MALRD1: variants seen among roughly 807,000 people sequenced by gnomAD.
The protein encoded by MALRD1 is MAM and LDL receptor class A domain containing 1.
A neutral mutation model predicts 242.1 loss-of-function variants in MALRD1; 247 were observed. The observed-to-expected ratio is 1.02, with a 90% CI of 0.92 to 1.13. The LOEUF (loss-of-function observed/expected upper bound fraction) is 1.13. Among genes scored for constraint, MALRD1 ranks in the 50% most tolerant of loss-of-function variants. The pLI is 0.00. For missense variants in MALRD1, 2,989 were observed against 2,533.1 expected, an observed-to-expected ratio of 1.18 and a Z score of -3.86; for synonymous variants, 995 against 866.6, an observed-to-expected ratio of 1.15 and a Z score of -2.60.
chr10:19,151,940 G>A (rs528941187), intron 11 of MALRD1, among the ~76,000 whole-genome samples: 86 of 152,222 alleles, frequency 5.6e-4, no homozygotes, highest in African/African-American at 1.6e-3. Context: ...ATTTGTGAAA[G>A]TTATAGAGAC....
At chr10:19,248,577 G>A (rs1305756176) in intron 18 of MALRD1, among the ~76,000 whole-genome samples, 1 of 151,768 alleles carries the variant, frequency 6.6e-6, no homozygotes, top group Non-Finnish European at 1.5e-5. Context: ...TAGTGACTAC[G>A]TGATCAGTCA....
intron 36 of MALRD1, among the ~76,000 whole-genome samples, chr10:19,671,460 A>G (rs1399412795): frequency 6.6e-6 from 1 of 152,114 alleles, no homozygotes; most frequent in Non-Finnish European, 1.5e-5. Flanking sequence ...TCTACTAAAA[A>G]TATAAAAATT....
intron 13 of MALRD1, among the ~76,000 whole-genome samples, chr10:19,171,448 A>ACACATG (rs1834926338): frequency 3.6e-5 from 5 of 139,162 alleles, no homozygotes; most frequent in Non-Finnish European, 7.7e-5. Flanking sequence ...ATATATATAT[A>ACACATG]TATATATATA....
intron 5 of MALRD1, among the ~76,000 whole-genome samples, chr10:19,106,850 G>A (rs1244817475): frequency 5.9e-5 from 9 of 151,836 alleles, no homozygotes; most frequent in Non-Finnish European, 1.3e-4. Flanking sequence ...TTTGTCTCAA[G>A]GAATATTTAA....
At chr10:19,280,424 G>C (rs1840747538) in intron 20 of MALRD1, among the ~76,000 whole-genome samples, 1 of 152,164 alleles carries the variant, frequency 6.6e-6, no homozygotes, top group Admixed American at 6.5e-5. Flanking sequence ...TAAGTGGTAA[G>C]TGTCTTTAGA....
intron 17 of MALRD1, 108 bp from the exon 18 acceptor site, chr10:19,209,160 G>A: frequency 9.7e-7 from 1 of 1,036,184 alleles, no homozygotes; most frequent in Non-Finnish European, 1.3e-6. Context: ...GCTTACCTTG[G>A]CATGAGCAAA....
chr10:19,282,510 T>TA (rs1282221114), intron 20 of MALRD1, among the ~76,000 whole-genome samples: 3 of 152,168 alleles, frequency 2.0e-5, no homozygotes, highest in African/African-American at 7.2e-5. Context: ...CTGTACATTT[T>TA]AAAAAATCGC....
In MALRD1 at chr10:19,107,685, G is replaced by T. The variant is rs1248530295; in HGVS notation, c.694+3610G>T. Reference sequence around the variant, plus strand: ...CCTTTCATTTTAGTCGTTATTTTCTGGTTATTTTGTAGAAATTTGTTTCTT... The same window carrying T: ...CCTTTCATTTTAGTCGTTATTTTCTTGTTATTTTGTAGAAATTTGTTTCTT... On this transcript the variant is annotated intron_variant, in intron 5 of 39. Coordinates refer to ENST00000454679, the MANE Select transcript of MALRD1 (RefSeq NM_001142308.3). Among the ~76,000 whole-genome samples, 6 of 150,372 alleles carry T rather than the reference G, an allele frequency of 4.0e-5. No homozygotes were observed. In the South Asian group the frequency reaches 6.3e-4, roughly 16 times the overall value.
chr10:19,389,511 A>C lies in MALRD1; in HGVS notation c.4747A>C (p.Arg1583=). ...VGLRGDKAHF[R]STMWRESSAA... ...CCTTCGGGGTGACAAAGCACACTTCAGGAGTACCATGTGGCGAGAATCCAG... is the reference window on the plus strand; with the variant it reads ...CCTTCGGGGTGACAAAGCACACTTCCGGAGTACCATGTGGCGAGAATCCAG... The change falls in exon 28 of 40, where the codon AGG becomes CGG. Residue 1583 remains arginine, a synonymous_variant. Transcript: ENST00000454679. The C allele has an allele frequency of 6.4e-7, 1 of 1,550,654 alleles. No individual in the cohort carries two copies. Among genetic ancestry groups the C allele is most frequent in the Non-Finnish European group, 8.7e-7 (1 of 1,146,968 alleles).
rs543034485 is a variant in MALRD1, at chr10:19,673,382, G to A, written c.6138-18900G>A. ...AGCCTGGGTGACAGAGTGGGACTCC[G>A]TCTCAAAATAAATAAATAAATAAAA... On this transcript the variant is annotated intron_variant, in intron 36 of 39. Coordinates refer to ENST00000454679, the MANE Select transcript of MALRD1 (RefSeq NM_001142308.3). 5.9e-5 allele frequency among the ~76,000 whole-genome samples: 9 copies of A among 152,144 alleles called. No individual in the cohort carries two copies. The East Asian group carries it at 7.7e-4, about 13-fold the overall frequency.
At chr10:19,532,059 G>C (rs1180581559) in intron 32 of MALRD1, among the ~76,000 whole-genome samples, 2 of 151,996 alleles carry the variant, frequency 1.3e-5, no homozygotes, top group Non-Finnish European at 2.9e-5. Flanking sequence ...AATAATAGCA[G>C]CTCTTATTAA....
chr10:19,578,799 T>A (rs567073202), intron 33 of MALRD1, among the ~76,000 whole-genome samples: 1 of 152,062 alleles, frequency 6.6e-6, no homozygotes, highest in Non-Finnish European at 1.5e-5. Context: ...CTTCCTCTTC[T>A]GATGGTAATG....
intron 23 of MALRD1, among the ~76,000 whole-genome samples, chr10:19,329,297 C>T (rs1259424005): frequency 2.0e-5 from 3 of 152,082 alleles, no homozygotes; most frequent in African/African-American, 4.8e-5. Flanking sequence ...TTTACAAGAT[C>T]GTTCTCTTTA....
intron 19 of MALRD1, among the ~76,000 whole-genome samples, chr10:19,260,836 G>A (rs1839712662): frequency 6.6e-6 from 1 of 152,042 alleles, no homozygotes; most frequent in Admixed American, 6.6e-5. Flanking sequence ...ACTTCTTCTT[G>A]GAACCATAAT....
chr10:19,183,223 A>T (rs1482922068), intron 14 of MALRD1, among the ~76,000 whole-genome samples: 1 of 150,678 alleles, frequency 6.6e-6, no homozygotes, highest in Non-Finnish European at 1.5e-5. Flanking sequence ...GAATCCTTTC[A>T]TTAAAGATTC....
chr10:19,392,058 C>T (rs930723244), intron 28 of MALRD1, among the ~76,000 whole-genome samples: 3 of 152,114 alleles, frequency 2.0e-5, no homozygotes. Flanking sequence ...AAAGCATGTG[C>T]CATTGAACAA....
chr10:19,067,826 A>C (rs1440305793), intron 2 of MALRD1, among the ~76,000 whole-genome samples: 2 of 152,122 alleles, frequency 1.3e-5, no homozygotes, highest in African/African-American at 4.8e-5. Context: ...ATTGATGTTT[A>C]GTCCATTTCT....
At position 19,502,031 on chromosome 10, in the gene MALRD1, GA is replaced by G. The variant is rs1370673228; in HGVS notation, c.5320+3389del. Among the ~76,000 whole-genome samples, 25 of 132,332 alleles carry G rather than the reference GA, an allele frequency of 1.9e-4. 1 individual carries two copies. In the South Asian group the frequency reaches 5.8e-3, roughly 31 times the overall value. 86.8% of individuals were successfully genotyped at this position (132,332 alleles called of 152,430 possible). On this transcript the variant is annotated intron_variant, in intron 31 of 39. Coordinates refer to ENST00000454679, the MANE Select transcript of MALRD1 (RefSeq NM_001142308.3). ...CTGTCTCAAAAAAAAAAAAAGAAAA[GA>G]AAAGAAAAGAAAAGAAAAGAAGAAG...
At chr10:19,621,779 G>T (rs1326996) in intron 36 of MALRD1, among the ~76,000 whole-genome samples, 1 of 151,520 alleles carries the variant, frequency 6.6e-6, no homozygotes, top group Non-Finnish European at 1.5e-5. Flanking sequence ...AATGTATATC[G>T]TGGTAAAAAT....
Sources: gnomAD v4.1 joint callset for allele counts (sites outside exome capture counted in the v4.1 genomes callset) on GRCh38, gnomAD v4.1.1 for gene constraint, MANE v1.5 for transcripts, NCBI Gene and HGNC (gene_info 2026-07-23, HGNC 2026-07-21) for gene names.